RUBCN: variants seen among roughly 807,000 people sequenced by gnomAD.
The protein encoded by RUBCN is rubicon autophagy regulator.
Under a neutral mutation model 113.2 loss-of-function variants are expected in RUBCN, and 74 were observed. That is an observed-to-expected ratio of 0.65 (90% CI 0.54 to 0.79). The LOEUF (loss-of-function observed/expected upper bound fraction) is 0.79, where lower values mean the gene tolerates loss of function less well. Among genes scored for constraint, RUBCN ranks in the 30% least tolerant of loss-of-function variants. The pLI, the probability that RUBCN is intolerant of heterozygous loss-of-function variation, is 0.00. For missense variants in RUBCN, 1,109 were observed against 1,251.7 expected, an observed-to-expected ratio of 0.89 and a Z score of 1.72; for synonymous variants, 480 against 490.0, an observed-to-expected ratio of 0.98 and a Z score of 0.27.
chr3:197,739,431 T>C (rs191553140), upstream of RUBCN, among the ~76,000 whole-genome samples: 2,150 of 145,602 alleles, frequency 0.015, 19 homozygotes, highest in African/African-American at 0.027. Flanking sequence ...TGGTGGCTCA[T>C]GCCTGTAATC....
At chr3:197,691,124 G>A (rs1250362829) in intron 11 of RUBCN, 1 of 1,288,898 alleles carries the variant, frequency 7.8e-7, no homozygotes, top group African/African-American at 1.5e-5. Context: ...TGATATGTGA[G>A]TCAGGTTAGA....
chr3:197,698,485 T>C (rs910407766), intron 7 of RUBCN, among the ~76,000 whole-genome samples: 3 of 151,140 alleles, frequency 2.0e-5, no homozygotes, highest in Admixed American at 6.6e-5. Flanking sequence ...AAGAATCCTA[T>C]GCAATAGCTG....
At chr3:197,717,249 C>T (rs565825000) in intron 2 of RUBCN, among the ~76,000 whole-genome samples, 3 of 152,118 alleles carry the variant, frequency 2.0e-5, no homozygotes, top group South Asian at 2.1e-4. Context: ...TGAGACCATC[C>T]TGGCTAACAC....
intron 11 of RUBCN, among the ~76,000 whole-genome samples, chr3:197,689,583 T>C (rs747914372): frequency 6.6e-6 from 1 of 152,016 alleles, no homozygotes; most frequent in Non-Finnish European, 1.5e-5. Flanking sequence ...GGATAACTCC[T>C]CCTCAGGCAG....
upstream of RUBCN, chr3:197,737,151 G>C (rs998945325): frequency 4.6e-6 from 1 of 217,480 alleles, no homozygotes; most frequent in South Asian, 6.0e-5. Flanking sequence ...AGCGGCGGGG[G>C]ACCTTGGTCT....
At chr3:197,734,274 AG>A (rs200319051) in intron 1 of RUBCN, among the ~76,000 whole-genome samples, 8 of 150,928 alleles carry the variant, frequency 5.3e-5, no homozygotes, top group African/African-American at 1.9e-4. Flanking sequence ...AAAAAAAAAA[AG>A]TGCAGTCTCT....
rs1027698859 is a variant in RUBCN at position 197,670,768 on chromosome 3, G to T, written c.*4250C>A. On this transcript the variant is annotated 3_prime_UTR_variant, in exon 20 of 20. Transcript: ENST00000296343. ...CATATAAATATCATCTTATCTCCTGGTTTAGTCCCTGGCAAGGAAAGAGCT... is the reference window on the plus strand; with the variant it reads ...CATATAAATATCATCTTATCTCCTGTTTTAGTCCCTGGCAAGGAAAGAGCT... Among the ~76,000 whole-genome samples, 1 of 152,170 alleles carries T rather than the reference G, an allele frequency of 6.6e-6. No individual in the cohort carries two copies.
At chr3:197,714,567 T>C (rs1725309263) in intron 2 of RUBCN, among the ~76,000 whole-genome samples, 1 of 152,234 alleles carries the variant, frequency 6.6e-6, no homozygotes, top group Non-Finnish European at 1.5e-5. Flanking sequence ...AAATTTCTAG[T>C]GATCTTCCTG....
intron 2 of RUBCN, among the ~76,000 whole-genome samples, chr3:197,715,799 T>A (rs140392547): frequency 6.6e-6 from 1 of 152,160 alleles, no homozygotes; most frequent in East Asian, 1.9e-4. Flanking sequence ...GTCACTTTTA[T>A]GCCTGCTAGT....
upstream of RUBCN, among the ~76,000 whole-genome samples, chr3:197,741,600 G>A (rs1728526490): frequency 6.6e-6 from 1 of 152,174 alleles, no homozygotes; most frequent in South Asian, 2.1e-4. Context: ...GGAGGCCGAG[G>A]TGGGAGGATC....
rs576728275 is a variant in RUBCN, at chr3:197,720,703, G to A, written c.66-2573C>T. On this transcript the variant is annotated intron_variant, in intron 1 of 19. Transcript: ENST00000296343. ...ATTACAGGAGTGAGCCACCGCGCCT[G>A]GCTGTTGATGGACATTTAAGTTGAT... Among the ~76,000 whole-genome samples, 7 of 152,058 alleles carry A rather than the reference G, an allele frequency of 4.6e-5. No homozygotes were observed. In the South Asian group the frequency reaches 1.5e-3, roughly 32 times the overall value.
intron 1 of RUBCN, among the ~76,000 whole-genome samples, chr3:197,732,549 G>A (rs1401646039): frequency 5.3e-5 from 8 of 152,208 alleles, no homozygotes; most frequent in African/African-American, 1.2e-4. Flanking sequence ...TCCTGACCTC[G>A]TGATCCACCC....
At chr3:197,696,732 A>G (rs114054462) in intron 8 of RUBCN, among the ~76,000 whole-genome samples, 4 of 144,410 alleles carry the variant, frequency 2.8e-5, no homozygotes, top group South Asian at 2.3e-4. Context: ...AACACCCAGC[A>G]CGTAAGAGAG....
At chr3:197,744,267 A>T (rs993179345) in intron 1 of RUBCN, among the ~76,000 whole-genome samples, 3 of 152,162 alleles carry the variant, frequency 2.0e-5, no homozygotes, top group African/African-American at 7.2e-5. Context: ...ATCCAACAAC[A>T]TGTAAAAAGG....
chr3:197,710,334 C>T (rs1724817713), intron 2 of RUBCN, among the ~76,000 whole-genome samples: 2 of 152,194 alleles, frequency 1.3e-5, no homozygotes, highest in Admixed American at 1.3e-4. Flanking sequence ...GGCGCGGTGG[C>T]TCATGCCTAT....
chr3:197,703,608 C>T lies in RUBCN; in HGVS notation c.510G>A (p.Gln170=). 6.2e-7 allele frequency: 1 copy of T among 1,613,830 alleles called. No individual in the cohort carries two copies. The highest frequency in any genetic ancestry group is 8.5e-7 in the Non-Finnish European group (1 of 1,179,914). ...LSDAHVTAML[Q]CLEAVEQNNP... ...TGTTCTGTTCCACTGCTTCCAGGCACTGCAGCATGGCCGTGACATGAGCGT... is the reference window on the plus strand; with the variant it reads ...TGTTCTGTTCCACTGCTTCCAGGCATTGCAGCATGGCCGTGACATGAGCGT... The change falls in exon 5 of 20, where the codon CAG becomes CAA. Residue 170 remains glutamine, a synonymous_variant. Transcript: ENST00000296343.
In RUBCN at chr3:197,672,471, C is replaced by T. The variant is rs932620161; in HGVS notation, c.*2547G>A. 1.3e-5 allele frequency: 2 copies of T among 152,172 alleles called. No homozygotes were observed. The highest frequency in any genetic ancestry group is 2.9e-5 in the Non-Finnish European group (2 of 68,048). 9.4% of individuals were successfully genotyped at this position (152,172 alleles called of 1,614,324 possible). A position where few individuals can be genotyped will look rare whatever the true frequency, so the allele number is the denominator to read the frequency against. Reference sequence around the variant, plus strand: ...GGTATTTGGAAGGTGAGGACGGCATCGTGTCAGAGTCACTAAAACAGACGC... The same window carrying T: ...GGTATTTGGAAGGTGAGGACGGCATTGTGTCAGAGTCACTAAAACAGACGC... On this transcript the variant is annotated 3_prime_UTR_variant, in exon 20 of 20. Coordinates refer to ENST00000296343, the MANE Select transcript of RUBCN (RefSeq NM_014687.4).
chr3:197,678,547 C>G (rs1204716174), intron 16 of RUBCN, among the ~76,000 whole-genome samples: 1 of 149,566 alleles, frequency 6.7e-6, no homozygotes, highest in African/African-American at 2.5e-5. Context: ...CTGTCCTACG[C>G]TCTGACTGAC....
At chr3:197,743,671 C>A (rs893344456) in intron 1 of RUBCN, among the ~76,000 whole-genome samples, 2 of 152,122 alleles carry the variant, frequency 1.3e-5, no homozygotes, top group African/African-American at 4.8e-5. Flanking sequence ...AAGGGTGCTA[C>A]GAATTAGCTA....
Sources: allele counts gnomAD v4.1 joint callset (sites outside exome capture counted in the v4.1 genomes callset), GRCh38; gene constraint gnomAD v4.1.1; transcripts MANE v1.5; gene names NCBI Gene and HGNC (gene_info 2026-07-23, HGNC 2026-07-21).